Variants in COG7 observed in about 807,000 individuals in gnomAD.
The protein encoded by COG7 is component of oligomeric golgi complex 7, also known as conserved oligomeric Golgi complex subunit 7.
In COG7, 49 loss-of-function variants were observed where a neutral mutation model predicts 91.5. That is an observed-to-expected ratio of 0.54 (90% CI 0.43 to 0.68). The LOEUF (loss-of-function observed/expected upper bound fraction) is 0.68, where lower values mean the gene tolerates loss of function less well. COG7 is among the 30% of genes least tolerant of loss of function. The pLI is 0.00. For missense variants in COG7, 895 were observed against 961.3 expected (o/e 0.93, Z 0.91); for synonymous variants, 365 against 388.7 (o/e 0.94, Z 0.72).
Position 23,423,638 on chromosome 16 carries a change from G to A in COG7, c.1009+1111C>T, listed in dbSNP as rs147298215. ...AACACCGATGAGTCATCAGGAATCCGAACAATAAACACACTCCCTGGAACG... is the reference window on the plus strand; with the variant it reads ...AACACCGATGAGTCATCAGGAATCCAAACAATAAACACACTCCCTGGAACG... On this transcript the variant is annotated intron_variant, in intron 7 of 16. Coordinates refer to ENST00000307149, the MANE Select transcript of COG7 (RefSeq NM_153603.4). 7.1e-3 allele frequency among the ~76,000 whole-genome samples: 1,084 copies of A among 152,178 alleles called. 16 individuals are homozygous for A. The highest frequency in any genetic ancestry group is 6.8e-3 in the Non-Finnish European group (465 of 68,010).
chr16:23,406,021 G>T, intron 12 of COG7, 55 bp downstream of exon 12: 1 of 1,521,178 alleles, frequency 6.6e-7, no homozygotes, highest in Non-Finnish European at 9.1e-7. Flanking sequence ...GGGAGAGGGT[G>T]AGTGATGAGA....
At position 23,433,531 on chromosome 16, in the gene COG7, A is replaced by G; in HGVS notation, c.810+14T>C. On this transcript the variant is annotated intron_variant, in intron 6 of 16. Transcript: ENST00000307149. ...ACAGACTCTGTTCTCCCTAGAACAA[A>G]AATGAGCTGTTACCTGTGTAGCCCA... The G allele has an allele frequency of 6.2e-7, 1 of 1,614,012 alleles. No individual in the cohort carries two copies. Among genetic ancestry groups the G allele is most frequent in the Non-Finnish European group, 8.5e-7 (1 of 1,179,962 alleles).
rs769631770 is a variant in COG7, at chr16:23,452,853, T to G, written c.142A>C (p.Ile48Leu). The change falls in exon 1 of 17, where the codon ATC (isoleucine) becomes CTC (leucine). Residue 48 changes from isoleucine to leucine, a missense_variant. Physicochemically the swap from Ile to Leu is conservative, Grantham distance 5. Transcript: ENST00000307149. Reference sequence around the variant, plus strand: ...TCCACGGCGTGGTTCACCTCTTGGATGAACAGCTGCAGCTTCATCACCAGG... The same window carrying G: ...TCCACGGCGTGGTTCACCTCTTGGAGGAACAGCTGCAGCTTCATCACCAGG... ...ATLVMKLQLFIQEVNHAVEET... is the reference protein window; with the variant it reads ...ATLVMKLQLFLQEVNHAVEET... The G allele has an allele frequency of 1.2e-6, 2 of 1,613,638 alleles. No individual in the cohort carries two copies. The highest frequency in any genetic ancestry group is 2.2e-5 in the South Asian group (2 of 91,050).
At chr16:23,445,513 C>T (rs747004934) in intron 2 of COG7, among the ~76,000 whole-genome samples, 1 of 152,090 alleles carries the variant, frequency 6.6e-6, no homozygotes, top group Non-Finnish European at 1.5e-5. Flanking sequence ...ATCAGCCGGG[C>T]ATGGTGTTGC....
At chr16:23,434,147 C>T (rs371058195) in intron 5 of COG7, among the ~76,000 whole-genome samples, 1 of 152,162 alleles carries the variant, frequency 6.6e-6, no homozygotes, top group Non-Finnish European at 1.5e-5. Flanking sequence ...GAGTGGCACG[C>T]GCCTGTAGTC....
At chr16:23,448,258 G>C (rs370378052) in intron 1 of COG7, among the ~76,000 whole-genome samples, 1 of 152,090 alleles carries the variant, frequency 6.6e-6, no homozygotes, top group South Asian at 2.1e-4. Flanking sequence ...GGCTGATCCC[G>C]ATCTATTTAT....
chr16:23,419,171 C>T (rs930808401), intron 7 of COG7, among the ~76,000 whole-genome samples: 10 of 151,888 alleles, frequency 6.6e-5, no homozygotes, highest in Admixed American at 1.3e-4. Context: ...TTTGGGAGGC[C>T]GAGGCGGGCG....
rs145776737 is a variant in COG7 at position 23,400,971 on chromosome 16, A to G, written c.1803+2723T>C. 3.5e-4 allele frequency among the ~76,000 whole-genome samples: 52 copies of G among 148,454 alleles called. 1 individual carries two copies. In the East Asian group the frequency reaches 9.6e-3, roughly 27 times the overall value. On this transcript the variant is annotated intron_variant, in intron 13 of 16. Coordinates refer to ENST00000307149, the MANE Select transcript of COG7 (RefSeq NM_153603.4). ...GGCAACAGAGTGAGACTTTGTCTCA[A>G]AAAAAAAAGGGGGGGGGGAAAACAG...
At chr16:23,396,904 T>C (rs1039343266) in intron 14 of COG7, among the ~76,000 whole-genome samples, 1 of 135,796 alleles carries the variant, frequency 7.4e-6, no homozygotes, top group Admixed American at 7.7e-5. Flanking sequence ...TTATACAACA[T>C]GTACTTTTTT....
intron 6 of COG7, among the ~76,000 whole-genome samples, chr16:23,431,009 A>G (rs936465290): frequency 2.0e-5 from 3 of 151,862 alleles, no homozygotes; most frequent in Non-Finnish European, 4.4e-5. Context: ...GTTTAATTTA[A>G]TATTTTTATA....
intron 12 of COG7, among the ~76,000 whole-genome samples, chr16:23,404,809 A>G (rs1359580233): frequency 6.6e-6 from 1 of 152,256 alleles, no homozygotes; most frequent in Admixed American, 6.5e-5. Context: ...AATCCCAGCT[A>G]TTCAGGAGGC....
At position 23,402,990 on chromosome 16, in the gene COG7, C is replaced by T. The variant is rs150516045; in HGVS notation, c.1803+704G>A. Among the ~76,000 whole-genome samples, 179 of 152,276 alleles carry T rather than the reference C, an allele frequency of 1.2e-3. 2 individuals are homozygous for T. The highest frequency in any genetic ancestry group is 0.01 in the Admixed American group (156 of 15,288). The stretch of plus-strand genomic sequence containing the variant: ...AAAAAGATCTCTTGGTTATTAAAGG[C>T]CCATAACTGGAATCCAAATGGCCCT... On this transcript the variant is annotated intron_variant, in intron 13 of 16. Coordinates refer to ENST00000307149, the MANE Select transcript of COG7 (RefSeq NM_153603.4).
Position 23,417,044 on chromosome 16 carries a change from G to A in COG7, c.1215C>T (p.Ala405=), listed in dbSNP as rs1225509728. Residue 405 remains alanine, a synonymous_variant, in exon 9 of 17, where the codon GCC becomes GCT. Transcript: ENST00000307149. ...VNKLFGLASA[A]VDRCVRFTNG... is the part of the protein sequence containing the mutation. ...TGGTGAATCTGACGCATCTGTCAAC[G>A]GCTGCAGACGCCAGACCAAACAGCT... is the stretch of plus-strand genomic sequence containing the variant. The A allele has an allele frequency of 3.1e-6, 5 of 1,614,180 alleles. No homozygotes were observed. The highest frequency in any genetic ancestry group is 4.2e-6 in the Non-Finnish European group (5 of 1,180,014).
At chr16:23,393,911 G>A (rs1048775924) in intron 14 of COG7, among the ~76,000 whole-genome samples, 3 of 152,012 alleles carry the variant, frequency 2.0e-5, no homozygotes, top group Admixed American at 1.3e-4. Flanking sequence ...GATGGTGGCA[G>A]GCACCTGTAA....
At chr16:23,430,204 G>A (rs1381405534) in intron 6 of COG7, among the ~76,000 whole-genome samples, 2 of 152,162 alleles carry the variant, frequency 1.3e-5, no homozygotes, top group African/African-American at 4.8e-5. Context: ...AACAGTGGGA[G>A]GATCACTTGA....
intron 1 of COG7, among the ~76,000 whole-genome samples, chr16:23,450,980 G>C (rs909093169): frequency 6.6e-5 from 10 of 152,158 alleles, no homozygotes; most frequent in African/African-American, 2.4e-4. Context: ...GATCACCTGA[G>C]GTCAGGAGTT....
At position 23,438,547 on chromosome 16, in the gene COG7, G is replaced by A. The variant is rs187419620; in HGVS notation, c.605-3829C>T. 8.5e-5 allele frequency among the ~76,000 whole-genome samples: 13 copies of A among 152,080 alleles called. No homozygotes were observed. The East Asian group carries it at 2.1e-3, about 25-fold the overall frequency. On this transcript the variant is annotated intron_variant, in intron 4 of 16. Coordinates refer to ENST00000307149, the MANE Select transcript of COG7 (RefSeq NM_153603.4). ...CATTCCAGCCTGGGTGACAGTGCAA[G>A]ACCCTGTCTCAAAAAACAACAAAAC...
intron 13 of COG7, among the ~76,000 whole-genome samples, chr16:23,402,608 G>C (rs762758700): frequency 5.3e-5 from 8 of 152,142 alleles, no homozygotes; most frequent in Non-Finnish European, 7.4e-5. Flanking sequence ...GGAGGCTCAC[G>C]GAGGAAGGAA....
At chr16:23,402,574 T>C (rs1228014505) in intron 13 of COG7, among the ~76,000 whole-genome samples, 3 of 152,154 alleles carry the variant, frequency 2.0e-5, no homozygotes. Flanking sequence ...AATTACTATA[T>C]CCCCATCACA....
Sources: gnomAD v4.1 joint callset for allele counts (sites outside exome capture counted in the v4.1 genomes callset) on GRCh38, gnomAD v4.1.1 for gene constraint, MANE v1.5 for transcripts, NCBI Gene and HGNC (gene_info 2026-07-23, HGNC 2026-07-21) for gene names.